The following STK11IP variants were observed in gnomAD, a reference collection of about 807,000 sequenced individuals.
STK11IP encodes serine/threonine-protein kinase 11-interacting protein.
Under a neutral mutation model 131.7 loss-of-function variants are expected in STK11IP, and 103 were observed. The ratio of observed to expected loss-of-function variants is 0.78; its 90% CI spans 0.67 to 0.92. The LOEUF (loss-of-function observed/expected upper bound fraction) is 0.92. STK11IP is among the 40% of genes least tolerant of loss of function. The pLI is 0.00. For synonymous variants in STK11IP, 557 were observed against 575.6 expected (o/e 0.97, Z 0.46); for missense variants, 1,315 against 1,385.7 (o/e 0.95, Z 0.81).
chr2:219,613,843 C>T lies in STK11IP; in HGVS notation c.2629C>T (p.Arg877Trp), dbSNP rs552536155. ...IELGLAGQSLRLEWAAGAGRC... is the reference protein window; with the variant it reads ...IELGLAGQSLWLEWAAGAGRC... ...GCTGGGCCTGGCAGGCCAGAGCCTGCGGCTAGAGTGGGCAGCTGGGGCGGG... is the reference window on the plus strand; with the variant it reads ...GCTGGGCCTGGCAGGCCAGAGCCTGTGGCTAGAGTGGGCAGCTGGGGCGGG... Residue 877 changes from arginine (R) to tryptophan (W), a missense_variant, in exon 21 of 25, where the codon CGG (arginine) becomes TGG (tryptophan). Coordinates refer to ENST00000456909, the MANE Select transcript of STK11IP (RefSeq NM_052902.4). 1.7e-5 allele frequency: 27 copies of T among 1,612,088 alleles called. No homozygotes were observed. Among genetic ancestry groups the T allele is most frequent in the Middle Eastern group, 1.7e-4 (1 of 6,058 alleles).
In STK11IP at chr2:219,607,169, G is replaced by A. The variant is rs372699707; in HGVS notation, c.1219+32G>A. ...CAGCTTCATCCCACTAACCTCTCTC[G>A]TCCCCAGCGAGCTCACTCTAATTTT... is the stretch of plus-strand genomic sequence containing the variant. On this transcript the variant is annotated intron_variant, in intron 13 of 24. Transcript: ENST00000456909. 1.1e-5 allele frequency: 17 copies of A among 1,600,678 alleles called. No individual in the cohort carries two copies. In the African/African-American group the frequency reaches 1.2e-4, roughly 11 times the overall value.
chr2:219,606,745 C>T lies in STK11IP; in HGVS notation c.1021C>T (p.Pro341Ser). ...ATCCTTGGGGCTCAGCCCCATGGGC[C>T]CACCTTTGCCCTGGCCAGTGGGGAG... is the stretch of plus-strand genomic sequence containing the variant. ...HTSLGLSPMG[P>S]PLPWPVGSTP... is the part of the protein sequence containing the mutation. Residue 341 changes from proline (P) to serine (S), a missense_variant, in exon 12 of 25, where the codon CCA becomes TCA. Transcript: ENST00000456909. 1.2e-6 allele frequency: 2 copies of T among 1,613,188 alleles called. No individual in the cohort carries two copies. Among genetic ancestry groups the T allele is most frequent in the Non-Finnish European group, 1.7e-6 (2 of 1,179,456 alleles).
Position 219,608,163 on chromosome 2 carries a change from G to GCCACCCC in STK11IP, c.1338_1344dup (p.Thr449HisfsTer104), listed in dbSNP as rs944852102. 1.2e-6 allele frequency: 2 copies of GCCACCCC among 1,613,570 alleles called. No individual in the cohort carries two copies. The highest frequency in any genetic ancestry group is 8.5e-7 in the Non-Finnish European group (1 of 1,179,898). On this transcript the variant is annotated frameshift_variant, in exon 14 of 25. Coordinates refer to ENST00000456909, the MANE Select transcript of STK11IP (RefSeq NM_052902.4). LOFTEE classifies it high-confidence loss of function. ...GGAGCCCTCCGGAAACCCTCTGCCG[G>GCCACCCC]CCACCCCCACTACTTCTGCACCCAG...
chr2:219,598,576 C>T (rs769516090), intron 2 of STK11IP: 1 of 171,800 alleles, frequency 5.8e-6, no homozygotes, highest in Non-Finnish European at 1.2e-5. Context: ...AATATCAACC[C>T]TCTTTCAAAC....
intron 22 of STK11IP, 114 bp from the exon 23 acceptor site, chr2:219,614,362 A>G (rs1463162891): frequency 6.6e-7 from 1 of 1,506,072 alleles, no homozygotes; most frequent in Non-Finnish European, 9.2e-7. Flanking sequence ...CATGCCCCTT[A>G]TGGGCCCCTA....
Position 219,605,698 on chromosome 2 carries a change from C to A in STK11IP, c.709C>A (p.Leu237Met). The part of the protein sequence containing the change: ...MGPSGAALGV[L>M]ILRGNELRSL... ...ACCCTCAGGGGCTGCTCTGGGGGTC[C>A]TGATACTGCGAGGCAATGAGCTTCG... Residue 237 changes from leucine to methionine, a missense_variant, in exon 8 of 25, where the codon CTG becomes ATG. By Grantham distance (15) the Leu-to-Met change is conservative. Coordinates refer to ENST00000456909, the MANE Select transcript of STK11IP (RefSeq NM_052902.4). 1 of 1,584,546 alleles carries A rather than the reference C, an allele frequency of 6.3e-7. No individual in the cohort carries two copies. Among genetic ancestry groups the A allele is most frequent in the Non-Finnish European group, 8.6e-7 (1 of 1,165,504 alleles).
At position 219,616,378 on chromosome 2, in the gene STK11IP, C is replaced by G; in HGVS notation, c.*185C>G. On this transcript the variant is annotated 3_prime_UTR_variant, in exon 25 of 25. Transcript: ENST00000456909. ...GAGAGAATGATCTGGCCTCAGGGGA[C>G]AGGCCACCTGGTCAGGAGGAATATT... The G allele has an allele frequency of 1.4e-6, 1 of 693,046 alleles. No homozygotes were observed. Among genetic ancestry groups the G allele is most frequent in the African/African-American group, 1.8e-5 (1 of 55,980 alleles). 42.9% of individuals were successfully genotyped at this position (693,046 alleles called of 1,614,324 possible). A position where few individuals can be genotyped will look rare whatever the true frequency, so the allele number is the denominator to read the frequency against.
chr2:219,607,135 C>T lies in STK11IP; in HGVS notation c.1217C>T (p.Ala406Val). ...PEPRTLNPSP[A>V]GWFVQQHPEL... ...CCCCGAACTCTGAACCCCTCTCCGG[C>T]TGGTAAGTCAGCTTCATCCCACTAA... The change falls in exon 13 of 25, where the codon GCT becomes GTT. Residue 406 changes from alanine (A) to valine (V), a missense_variant and splice_region_variant. Ala to Val is a moderately conservative substitution (Grantham distance 64). Transcript: ENST00000456909. The T allele has an allele frequency of 6.2e-6, 10 of 1,613,866 alleles. No individual in the cohort carries two copies. Among genetic ancestry groups the T allele is most frequent in the Non-Finnish European group, 8.5e-6 (10 of 1,179,852 alleles).
Position 219,608,437 on chromosome 2 carries a change from C to G in STK11IP, c.1603+7C>G. The G allele has an allele frequency of 6.4e-7, 1 of 1,550,392 alleles. No individual in the cohort carries two copies. Among genetic ancestry groups the G allele is most frequent in the Non-Finnish European group, 8.7e-7 (1 of 1,147,550 alleles). Reference sequence around the variant, plus strand: ...GACCAGAAGGAAGTGGAAGGTGAGCCCTTTGTGGGCTGGGGCGAGCTGAGG... The same window carrying G: ...GACCAGAAGGAAGTGGAAGGTGAGCGCTTTGTGGGCTGGGGCGAGCTGAGG... On this transcript the variant is annotated splice_region_variant and intron_variant, in intron 14 of 24. Coordinates refer to ENST00000456909, the MANE Select transcript of STK11IP (RefSeq NM_052902.4).
chr2:219,606,971 T>G, intron 12 of STK11IP, 82 bp from the exon 13 acceptor site: 1 of 1,604,318 alleles, frequency 6.2e-7, no homozygotes, highest in South Asian at 1.1e-5. Context: ...TCAAGGTTTC[T>G]TTGATAGGTT....
intron 2 of STK11IP, chr2:219,598,633 A>G (rs1167656194): frequency 6.4e-6 from 1 of 156,788 alleles, no homozygotes; most frequent in Non-Finnish European, 1.4e-5. Flanking sequence ...AGATTGGCAT[A>G]GTGATTGTAC....
chr2:219,601,736 G>A (rs755483637), intron 4 of STK11IP, 21 bp downstream of exon 4: 1 of 1,585,836 alleles, frequency 6.3e-7, no homozygotes, highest in South Asian at 1.1e-5. Flanking sequence ...ACGGGGGGAT[G>A]TTGGTGCACA....
In STK11IP at chr2:219,614,511, G is replaced by T; in HGVS notation, c.2834G>T (p.Arg945Leu). 6.2e-7 allele frequency: 1 copy of T among 1,613,800 alleles called. No individual in the cohort carries two copies. Among genetic ancestry groups the T allele is most frequent in the Non-Finnish European group, 8.5e-7 (1 of 1,179,878 alleles). Residue 945 changes from arginine to leucine, a missense_variant, in exon 23 of 25, where the codon CGC (arginine) becomes CTC (leucine). Physicochemically the swap from Arg to Leu is moderately radical, Grantham distance 102. Transcript: ENST00000456909. ...LLEKDSSLEARQFFYLRAFLV... is the reference protein window; with the variant it reads ...LLEKDSSLEALQFFYLRAFLV... ...GAAAAAGACTCATCCTTGGAGGCTCGCCAGTTCTTCTACCTTCGGGCGTTC... is the reference window on the plus strand; with the variant it reads ...GAAAAAGACTCATCCTTGGAGGCTCTCCAGTTCTTCTACCTTCGGGCGTTC...
In STK11IP at chr2:219,597,938, G is replaced by C. The variant is rs192062298; in HGVS notation, c.-27+15G>C. 2 of 1,612,120 alleles carry C rather than the reference G, an allele frequency of 1.2e-6. No homozygotes were observed. Among genetic ancestry groups the C allele is most frequent in the African/African-American group, 1.3e-5 (1 of 74,992 alleles). On this transcript the variant is annotated intron_variant, in intron 1 of 24. Transcript: ENST00000456909. ...GGGGAGGTTCGGTATGTCTGACCAG[G>C]ACTTATGTTCCTCGAAAGGGCGGCC...
chr2:219,615,431 G>A, intron 24 of STK11IP, 90 bp downstream of exon 24: 2 of 1,502,820 alleles, frequency 1.3e-6, no homozygotes, highest in East Asian at 2.3e-5. Context: ...ATGGGTCTAG[G>A]AACCCTGGGC....
rs112231680 is a variant in STK11IP, at chr2:219,605,745, G to C, written c.745+11G>C. ...TTCGGAGCCTGCATGGTGAGTGGGG[G>C]TGTGTGATGGGGCAAGCATGGAGGG... On this transcript the variant is annotated intron_variant, in intron 8 of 24. Coordinates refer to ENST00000456909, the MANE Select transcript of STK11IP (RefSeq NM_052902.4). 1.9e-6 allele frequency: 3 copies of C among 1,597,188 alleles called. No individual in the cohort carries two copies. The highest frequency in any genetic ancestry group is 2.7e-5 in the African/African-American group (2 of 74,734).
chr2:219,605,852 T>C, intron 8 of STK11IP, 104 bp from the exon 9 acceptor site: 1 of 1,484,314 alleles, frequency 6.7e-7, no homozygotes, highest in Non-Finnish European at 9.2e-7. Context: ...AGTGCAGGGG[T>C]GCTCTGGCCG....
chr2:219,614,292 A>G (rs947399098), intron 22 of STK11IP, 50 bp downstream of exon 22: 3 of 1,603,066 alleles, frequency 1.9e-6, no homozygotes, highest in Admixed American at 3.3e-5. Context: ...TCCTCTTTCC[A>G]CAGAGCCCCA....
chr2:219,615,246 G>C lies in STK11IP; in HGVS notation c.3022G>C (p.Val1008Leu), dbSNP rs2106169634. ...KVPPSGPGPA[V>L]RVREQQPLSS... ...GCCTCCCTCGGGGCCGGGCCCTGCTGTGCGTGTCAGGGAGCAGCAGCCACT... is the reference window on the plus strand; with the variant it reads ...GCCTCCCTCGGGGCCGGGCCCTGCTCTGCGTGTCAGGGAGCAGCAGCCACT... Residue 1008 changes from valine (V) to leucine (L), a missense_variant, in exon 24 of 25, where the codon GTG becomes CTG. Transcript: ENST00000456909. 1 of 1,596,854 alleles carries C rather than the reference G, an allele frequency of 6.3e-7. No individual in the cohort carries two copies. Among genetic ancestry groups the C allele is most frequent in the East Asian group, 2.2e-5 (1 of 44,644 alleles).
Sources: allele counts gnomAD v4.1 joint callset, GRCh38; gene constraint gnomAD v4.1.1; transcripts MANE v1.5; gene names NCBI Gene and HGNC (gene_info 2026-07-23, HGNC 2026-07-21).